The following HIRA variants were observed in gnomAD, a reference collection of about 807,000 sequenced individuals.
HIRA encodes protein HIRA.
A neutral mutation model predicts 126.6 loss-of-function variants in HIRA; 13 were observed. The observed-to-expected ratio is 0.10, with a 90% CI of 0.07 to 0.16. The LOEUF (loss-of-function observed/expected upper bound fraction) is 0.16, where lower values mean the gene tolerates loss of function less well. HIRA is among the 10% of genes least tolerant of loss of function. The pLI, the probability that HIRA is intolerant of heterozygous loss-of-function variation, is 1.00. For missense variants in HIRA, 834 were observed against 1,314.4 expected (o/e 0.63, Z 5.65); for synonymous variants, 511 against 520.0 (o/e 0.98, Z 0.24).
chr22:19,388,432 A>T, intron 10 of HIRA, 52 bp downstream of exon 10: 1 of 1,430,050 alleles, frequency 7.0e-7, no homozygotes, highest in Non-Finnish European at 9.9e-7. Flanking sequence ...TCATGTTCCA[A>T]TGTGTGGCTT....
intron 2 of HIRA, among the ~76,000 whole-genome samples, chr22:19,410,351 C>A (rs765124416): frequency 6.6e-6 from 1 of 152,186 alleles, no homozygotes; most frequent in Non-Finnish European, 1.5e-5. Context: ...ACCCTCATTC[C>A]CTTTTTTCAG....
intron 24 of HIRA, among the ~76,000 whole-genome samples, chr22:19,345,095 G>A: frequency 6.6e-6 from 1 of 152,144 alleles, no homozygotes; most frequent in Non-Finnish European, 1.5e-5. Flanking sequence ...CCTGCTTCCA[G>A]CACTAATATT....
At chr22:19,382,525 T>C (rs1323864545) in intron 13 of HIRA, among the ~76,000 whole-genome samples, 2 of 152,218 alleles carry the variant, frequency 1.3e-5, no homozygotes, top group African/African-American at 4.8e-5. Flanking sequence ...CCTCAGAGCC[T>C]GCACATCTAA....
chr22:19,364,986 A>G (rs1166143812), intron 15 of HIRA, among the ~76,000 whole-genome samples: 6 of 152,216 alleles, frequency 3.9e-5, no homozygotes, highest in Admixed American at 3.9e-4. Flanking sequence ...TATTGCTAAT[A>G]TGGAGAAAGT....
At chr22:19,341,781 A>G (rs1879061196) in intron 24 of HIRA, among the ~76,000 whole-genome samples, 1 of 152,260 alleles carries the variant, frequency 6.6e-6, no homozygotes, top group Non-Finnish European at 1.5e-5. Flanking sequence ...CTCATCTCTC[A>G]TCTTATACAA....
intron 10 of HIRA, 47 bp from the exon 11 acceptor site, chr22:19,387,863 G>A (rs1442506709): frequency 5.1e-6 from 7 of 1,362,144 alleles, no homozygotes; most frequent in Non-Finnish European, 7.2e-6. Flanking sequence ...GCCCCAGGCA[G>A]ACACATGTGC....
At chr22:19,406,852 G>A (rs1216633655) in intron 4 of HIRA, among the ~76,000 whole-genome samples, 3 of 152,176 alleles carry the variant, frequency 2.0e-5, no homozygotes, top group Admixed American at 2.0e-4. Flanking sequence ...AAGAACCAGA[G>A]CACCCTGACT....
chr22:19,360,898 G>A (rs1329046286), intron 17 of HIRA, among the ~76,000 whole-genome samples: 1 of 152,244 alleles, frequency 6.6e-6, no homozygotes, highest in African/African-American at 2.4e-5. Flanking sequence ...CCAAGCCTGA[G>A]GCTGCCCAGG....
At chr22:19,370,253 T>C (rs1232886530) in intron 15 of HIRA, among the ~76,000 whole-genome samples, 1 of 151,434 alleles carries the variant, frequency 6.6e-6, no homozygotes, top group Non-Finnish European at 1.5e-5. Flanking sequence ...CTGTTTTGTT[T>C]TTATTCTTGT....
At chr22:19,364,152 A>C (rs1296938982) in intron 15 of HIRA, among the ~76,000 whole-genome samples, 1 of 151,952 alleles carries the variant, frequency 6.6e-6, no homozygotes, top group Non-Finnish European at 1.5e-5. Context: ...TCTAACAAAT[A>C]AAGTCTATTA....
intron 1 of HIRA, among the ~76,000 whole-genome samples, chr22:19,414,848 T>C (rs924923710): frequency 2.6e-5 from 4 of 151,922 alleles, no homozygotes; most frequent in African/African-American, 9.7e-5. Flanking sequence ...AGGCGCACCA[T>C]TGCACTCCAG....
chr22:19,396,755 G>A (rs2089227668), intron 7 of HIRA, 32 bp downstream of exon 7: 1 of 1,607,996 alleles, frequency 6.2e-7, no homozygotes, highest in Admixed American at 1.7e-5. Flanking sequence ...GGCAGCTGCG[G>A]GGGCTCAGCT....
chr22:19,416,497 GC>G (rs779011783), intron 1 of HIRA, among the ~76,000 whole-genome samples: 18 of 151,838 alleles, frequency 1.2e-4, no homozygotes, highest in Non-Finnish European at 2.4e-4. Context: ...GCACCACCAC[GC>G]CTGGCTAATT....
In HIRA at chr22:19,356,965, G is replaced by A. The variant is rs1556012781; in HGVS notation, c.2321C>T (p.Pro774Leu). Residue 774 changes from proline (P) to leucine (L), a missense_variant, in exon 19 of 25, where the codon CCA becomes CTA. Physicochemically the swap from Pro to Leu is moderately conservative, Grantham distance 98. This residue lies in a region of HIRA where 468 missense variants were observed against 574.2 expected (regional missense o/e 0.82). Transcript: ENST00000263208. ...GRRLLSPILL[P>L]SPISTLHCTG... ...GCAATGCAAAGTAGAGATCGGGGAT[G>A]GCAGGAGGATGGGAGAGAGGAGACG... is the stretch of plus-strand genomic sequence containing the variant. The A allele has an allele frequency of 6.2e-7, 1 of 1,614,050 alleles. No homozygotes were observed. The highest frequency in any genetic ancestry group is 2.2e-5 in the East Asian group (1 of 44,880).
rs896632100 is a variant in HIRA at position 19,383,470 on chromosome 22, C to T, written c.1415+150G>A. ...AGGAGGAGTATGGGCTTTGAGACTG[C>T]GGGAAGCTGAGCTTCACTTCCTTGC... On this transcript the variant is annotated intron_variant, in intron 13 of 24. Coordinates refer to ENST00000263208, the MANE Select transcript of HIRA (RefSeq NM_003325.4). 7.7e-6 allele frequency: 5 copies of T among 653,290 alleles called. No homozygotes were observed. The Admixed American group carries it at 8.0e-5, about 10-fold the overall frequency. The allele number at this position is 653,290 out of a possible 1,614,324, so 40.5% of individuals were successfully genotyped here. A position where few individuals can be genotyped will look rare whatever the true frequency, so the allele number is the denominator to read the frequency against.
intron 8 of HIRA, among the ~76,000 whole-genome samples, chr22:19,393,099 G>A (rs2089195652): frequency 6.6e-6 from 1 of 152,108 alleles, no homozygotes; most frequent in South Asian, 2.1e-4. Flanking sequence ...CACCAATGAG[G>A]CTGCAGGGCC....
At chr22:19,397,150 C>T (rs1460577882) in intron 6 of HIRA, among the ~76,000 whole-genome samples, 4 of 152,190 alleles carry the variant, frequency 2.6e-5, no homozygotes, top group East Asian at 3.8e-4. Flanking sequence ...ATCAAGGAGG[C>T]AGGCACCAAG....
At position 19,423,504 on chromosome 22, in the gene HIRA, C is replaced by G. The variant is rs796360410; in HGVS notation, c.37+7936G>C. ...GCATACACACACACACACACACACACACACACACACACACACACACATATT... is the reference window on the plus strand; with the variant it reads ...GCATACACACACACACACACACACAGACACACACACACACACACACATATT... On this transcript the variant is annotated intron_variant, in intron 1 of 24. Transcript: ENST00000263208. Among the ~76,000 whole-genome samples, 158 of 124,008 alleles carry G rather than the reference C, an allele frequency of 1.3e-3. 1 individual carries two copies. Among genetic ancestry groups the G allele is most frequent in the African/African-American group, 4.9e-3 (155 of 31,696 alleles). The allele number at this position is 124,008 out of a possible 152,430, so 81.4% of individuals were successfully genotyped here.
chr22:19,395,744 A>C (rs1218860743), intron 7 of HIRA, among the ~76,000 whole-genome samples: 1 of 152,130 alleles, frequency 6.6e-6, no homozygotes, highest in Non-Finnish European at 1.5e-5. Flanking sequence ...ATTATCATGC[A>C]ACTAATGGGA....
Sources: allele counts gnomAD v4.1 joint callset (sites outside exome capture counted in the v4.1 genomes callset), GRCh38; gene constraint gnomAD v4.1.1; regional missense constraint gnomAD v4.1.1; transcripts MANE v1.5; gene names NCBI Gene and HGNC (gene_info 2026-07-23, HGNC 2026-07-21).